Variants in BCR observed in about 807,000 individuals in gnomAD.
BCR encodes BCR activator of RhoGEF and GTPase.
A neutral mutation model predicts 138.6 loss-of-function variants in BCR; 58 were observed. That is an observed-to-expected ratio of 0.42 (90% CI 0.34 to 0.52). The LOEUF is 0.52. BCR is among the 20% of genes least tolerant of loss of function. The probability of loss-of-function intolerance (pLI) is 0.06; values close to 1 mark genes in which losing one functional copy is unlikely to be tolerated. For missense variants in BCR, 1,599 were observed against 1,727.2 expected (o/e 0.93, Z 1.32); for synonymous variants, 786 against 730.1 (o/e 1.08, Z -1.23).
At chr22:23,314,866 G>A (rs2074050900) in intron 22 of BCR, 152 bp downstream of exon 22, 1 of 1,084,256 alleles carries the variant, frequency 9.2e-7, no homozygotes, top group Non-Finnish European at 1.4e-6. Context: ...CTGCATGGAT[G>A]GGAGTGATAG....
intron 1 of BCR, among the ~76,000 whole-genome samples, chr22:23,248,324 G>C (rs188248585): frequency 2.0e-5 from 3 of 151,262 alleles, no homozygotes; most frequent in South Asian, 4.2e-4. Context: ...AGCAGTGTCC[G>C]GGCAACAGAG....
chr22:23,223,468 C>G (rs2072852262), intron 1 of BCR, among the ~76,000 whole-genome samples: 1 of 152,184 alleles, frequency 6.6e-6, no homozygotes, highest in Non-Finnish European at 1.5e-5. Context: ...CGGATGCTGA[C>G]TCCCTCCTAT....
intron 15 of BCR, among the ~76,000 whole-genome samples, chr22:23,292,949 A>G (rs1007235023): frequency 3.9e-5 from 6 of 152,108 alleles, no homozygotes; most frequent in South Asian, 2.1e-4. Context: ...GTAGGTTTCC[A>G]TAGTGTTTTT....
intron 1 of BCR, among the ~76,000 whole-genome samples, chr22:23,224,213 G>A (rs1158655861): frequency 1.3e-5 from 2 of 152,206 alleles, no homozygotes; most frequent in African/African-American, 4.8e-5. Context: ...CCAAGTGGCT[G>A]CCTGAATTGG....
intron 2 of BCR, chr22:23,260,744 C>G (rs994118605): frequency 3.6e-6 from 2 of 552,202 alleles, no homozygotes; most frequent in African/African-American, 3.8e-5. Flanking sequence ...CCAGATGACC[C>G]CCCTCCCCGG....
chr22:23,193,667 G>C (rs2072442721), intron 1 of BCR, among the ~76,000 whole-genome samples: 1 of 152,244 alleles, frequency 6.6e-6, no homozygotes, highest in African/African-American at 2.4e-5. Context: ...CTGCATGTTT[G>C]GATCCATCTG....
At position 23,181,837 on chromosome 22, in the gene BCR, A is replaced by G. The variant is rs772929773; in HGVS notation, c.877A>G (p.Lys293Glu). The G allele has an allele frequency of 5.5e-5, 88 of 1,611,734 alleles. No homozygotes were observed. The highest frequency in any genetic ancestry group is 7.4e-5 in the Non-Finnish European group (87 of 1,179,778). ...YVGGMMEGEG[K>E]GPLLRSQSTS... Reference sequence around the variant, plus strand: ...CGGGGGCATGATGGAAGGGGAGGGCAAGGGCCCGCTCCTGCGCAGCCAGAG... The same window carrying G: ...CGGGGGCATGATGGAAGGGGAGGGCGAGGGCCCGCTCCTGCGCAGCCAGAG... The change falls in exon 1 of 23, where the codon AAG (lysine) becomes GAG (glutamate). Residue 293 changes from lysine (K) to glutamate (E), a missense_variant. By Grantham distance (56) the Lys-to-Glu change is moderately conservative. This residue lies in a region of BCR where 806 missense variants were observed against 635.0 expected (regional missense o/e 1.27). Coordinates refer to ENST00000305877, the MANE Select transcript of BCR (RefSeq NM_004327.4).
At chr22:23,243,238 C>T (rs771404341) in intron 1 of BCR, among the ~76,000 whole-genome samples, 15 of 152,008 alleles carry the variant, frequency 9.9e-5, no homozygotes, top group Non-Finnish European at 2.2e-4. Context: ...AGCTGTGGGA[C>T]GGGGCTGGTT....
intron 1 of BCR, among the ~76,000 whole-genome samples, chr22:23,202,743 GTGTGTA>G (rs1214070135): frequency 6.8e-6 from 1 of 147,678 alleles, no homozygotes; most frequent in Non-Finnish European, 1.5e-5. Flanking sequence ...GTGTGTGTGT[GTGTGTA>G]TATATATATA....
intron 1 of BCR, among the ~76,000 whole-genome samples, chr22:23,187,057 G>A (rs1285865090): frequency 2.0e-5 from 3 of 152,174 alleles, no homozygotes; most frequent in Admixed American, 2.0e-4. Context: ...TTGAAGGCAG[G>A]AATAACTGGT....
chr22:23,269,612 G>A (rs1272176989), intron 5 of BCR, among the ~76,000 whole-genome samples: 8 of 152,156 alleles, frequency 5.3e-5, no homozygotes, highest in East Asian at 1.9e-4. Context: ...AGAGTCTGTG[G>A]GGCACCCTGC....
chr22:23,236,175 T>G (rs568936250), intron 1 of BCR, among the ~76,000 whole-genome samples: 1 of 152,284 alleles, frequency 6.6e-6, no homozygotes, highest in East Asian at 1.9e-4. Context: ...CCAGGTGGCC[T>G]CCACGTACCT....
At position 23,261,559 on chromosome 22, in the gene BCR, G is replaced by A. The variant is rs149721723; in HGVS notation, c.1752+19G>A. The A allele has an allele frequency of 6.3e-3, 10,186 of 1,608,986 alleles. 62 individuals are homozygous for A. Among genetic ancestry groups the A allele is most frequent in the Middle Eastern group, 0.025 (134 of 5,258 alleles). The stretch of plus-strand genomic sequence containing the variant: ...GAAGCTGGTGAGTAACCCAGGGCCG[G>A]TGCTGGGACTACAGGCGTGTACCAC... On this transcript the variant is annotated intron_variant, in intron 4 of 22. Transcript: ENST00000305877.
chr22:23,210,803 G>A (rs569912164), intron 1 of BCR, among the ~76,000 whole-genome samples: 4 of 152,210 alleles, frequency 2.6e-5, no homozygotes, highest in African/African-American at 7.2e-5. Context: ...TGCAAGTTGT[G>A]TGTACCAATA....
intron 13 of BCR, 62 bp from the exon 14 acceptor site, chr22:23,290,277 G>A: frequency 6.6e-7 from 1 of 1,519,566 alleles, no homozygotes; most frequent in Non-Finnish European, 9.1e-7. Flanking sequence ...AGCAGAGTTA[G>A]CTTGTCACCT....
intron 4 of BCR, chr22:23,263,904 G>C: frequency 1.0e-6 from 1 of 952,842 alleles, no homozygotes; most frequent in Non-Finnish European, 1.7e-6. Context: ...TTTTGTGACA[G>C]GGACGGCTTG....
At chr22:23,276,388 G>A (rs1241467858) in intron 8 of BCR, among the ~76,000 whole-genome samples, 1 of 144,048 alleles carries the variant, frequency 6.9e-6, no homozygotes, top group African/African-American at 2.7e-5. Flanking sequence ...AACAGAGCGA[G>A]ATTCTGTCTC....
intron 1 of BCR, among the ~76,000 whole-genome samples, chr22:23,249,988 A>G (rs2073205335): frequency 6.6e-6 from 1 of 152,216 alleles, no homozygotes; most frequent in African/African-American, 2.4e-5. Context: ...CGTGAGACCT[A>G]GTCTCTCTGT....
intron 20 of BCR, among the ~76,000 whole-genome samples, chr22:23,313,356 G>A (rs2074029406): frequency 6.6e-6 from 1 of 152,214 alleles, no homozygotes; most frequent in African/African-American, 2.4e-5. Context: ...ATGGGTCCTG[G>A]TCCAGCCAAG....
Sources: gnomAD v4.1 joint callset for allele counts (sites outside exome capture counted in the v4.1 genomes callset) on GRCh38, gnomAD v4.1.1 for gene constraint, gnomAD v4.1.1 regional missense constraint, MANE v1.5 for transcripts, NCBI Gene and HGNC (gene_info 2026-07-23, HGNC 2026-07-21) for gene names.